Variants in NUDT19 observed in about 807,000 individuals in gnomAD.
NUDT19 encodes the protein acyl-coenzyme A diphosphatase NUDT19.
In NUDT19, 31 loss-of-function variants were observed where a neutral mutation model predicts 22.2. The ratio of observed to expected loss-of-function variants is 1.40; its 90% CI spans 1.05 to 1.89. The LOEUF (loss-of-function observed/expected upper bound fraction) is 1.89, where lower values mean the gene tolerates loss of function less well. NUDT19 is among the 40% of genes most tolerant of loss of function. NUDT19 has a pLI of 0.00. For missense variants in NUDT19, 752 were observed against 514.2 expected, an observed-to-expected ratio of 1.46 and a Z score of -4.47; for synonymous variants, 325 against 230.8, an observed-to-expected ratio of 1.41 and a Z score of -3.70.
intron 1 of NUDT19, among the ~76,000 whole-genome samples, chr19:32,693,431 T>C (rs1032079233): frequency 1.3e-5 from 2 of 150,028 alleles, no homozygotes; most frequent in African/African-American, 2.5e-5. Flanking sequence ...TTACAGCTTA[T>C]AAAGGTAGTG....
rs1395310071 is a variant in NUDT19 at position 32,712,458 on chromosome 19, T to TCTCG, written c.*502_*505dup. On this transcript the variant is annotated 3_prime_UTR_variant, in exon 3 of 3. Coordinates refer to ENST00000397061, the MANE Select transcript of NUDT19 (RefSeq NM_001105570.2). Reference sequence around the variant, plus strand: ...CCCAGGCTGGAGTGCAGTGGCCCAATCTCGGCTCACTGCAACCTCCACCTC... The same window carrying TCTCG: ...CCCAGGCTGGAGTGCAGTGGCCCAATCTCGCTCGGCTCACTGCAACCTCCACCTC... 7.6e-6 allele frequency: 1 copy of TCTCG among 131,060 alleles called. No homozygotes were observed. The highest frequency in any genetic ancestry group is 1.5e-5 in the Non-Finnish European group (1 of 64,760). 8.1% of individuals were successfully genotyped at this position (131,060 alleles called of 1,614,324 possible). A position where few individuals can be genotyped will look rare whatever the true frequency, so the allele number is the denominator to read the frequency against.
intron 1 of NUDT19, among the ~76,000 whole-genome samples, chr19:32,708,294 G>A (rs1336773967): frequency 6.6e-6 from 1 of 151,742 alleles, no homozygotes; most frequent in African/African-American, 2.4e-5. Context: ...GGGTGTGGTG[G>A]TGGGCGCCTG....
At chr19:32,705,187 C>T (rs1968375405) in intron 1 of NUDT19, among the ~76,000 whole-genome samples, 1 of 150,166 alleles carries the variant, frequency 6.7e-6, no homozygotes, top group Non-Finnish European at 1.5e-5. Flanking sequence ...CTTTGGGAGG[C>T]CAAGGTGGGT....
At position 32,692,153 on chromosome 19, in the gene NUDT19, G is replaced by A; in HGVS notation, c.193G>A (p.Gly65Arg). The A allele has an allele frequency of 9.3e-6, 14 of 1,508,716 alleles. No individual in the cohort carries two copies. Among genetic ancestry groups the A allele is most frequent in the Non-Finnish European group, 1.2e-5 (14 of 1,138,278 alleles). The allele number at this position is 1,508,716 out of a possible 1,614,324, so 93.5% of individuals were successfully genotyped here. A position where few individuals can be genotyped will look rare whatever the true frequency, so the allele number is the denominator to read the frequency against. ...GCCGGGCGCGCACGTCTTCTCCGGC[G>A]GAGTGCTGGATGCGGCCGACCGCTC... is the stretch of plus-strand genomic sequence containing the variant. ...FMPGAHVFSG[G>R]VLDAADRSAD... The change falls in exon 1 of 3, where the codon GGA becomes AGA. Residue 65 changes from glycine to arginine, a missense_variant. By Grantham distance (125) the Gly-to-Arg change is moderately radical. Transcript: ENST00000397061.
chr19:32,699,992 G>A (rs887814940), intron 1 of NUDT19, among the ~76,000 whole-genome samples: 1 of 151,970 alleles, frequency 6.6e-6, no homozygotes, highest in African/African-American at 2.4e-5. Context: ...TGCGTTCCTG[G>A]TCTCGCTGGC....
intron 1 of NUDT19, among the ~76,000 whole-genome samples, chr19:32,702,608 C>CA (rs1243001259): frequency 6.6e-6 from 1 of 150,958 alleles, no homozygotes; most frequent in East Asian, 1.9e-4. Context: ...ACTCCATCTC[C>CA]AAAAAGAGAA....
intron 1 of NUDT19, among the ~76,000 whole-genome samples, chr19:32,705,434 A>G (rs1187401836): frequency 6.6e-6 from 1 of 152,068 alleles, no homozygotes; most frequent in Non-Finnish European, 1.5e-5. Flanking sequence ...AAAAAAAAAA[A>G]AGAAAAACAA....
At chr19:32,697,195 A>G (rs567361975) in intron 1 of NUDT19, among the ~76,000 whole-genome samples, 3 of 152,094 alleles carry the variant, frequency 2.0e-5, no homozygotes, top group Admixed American at 6.6e-5. Flanking sequence ...CGGCCTTTCT[A>G]TTATCTCACT....
chr19:32,713,759 A>G lies in NUDT19; in HGVS notation c.*1802A>G, dbSNP rs1357834487. The G allele has an allele frequency of 6.6e-6, 1 of 152,200 alleles. No homozygotes were observed. The highest frequency in any genetic ancestry group is 2.4e-5 in the African/African-American group (1 of 41,440). The allele number at this position is 152,200 out of a possible 1,614,324, so 9.4% of individuals were successfully genotyped here. On this transcript the variant is annotated 3_prime_UTR_variant, in exon 3 of 3. Transcript: ENST00000397061. ...TTAATTTTCCTACTATAACATAAAG[A>G]CAATGATGAATAAAGTTTATGTGTA... is the stretch of plus-strand genomic sequence containing the variant.
Position 32,692,155 on chromosome 19 carries a change from A to G in NUDT19, c.195A>G (p.Gly65=). Residue 65 remains glycine, a synonymous_variant, in exon 1 of 3, where the codon GGA becomes GGG. Coordinates refer to ENST00000397061, the MANE Select transcript of NUDT19 (RefSeq NM_001105570.2). ...CGGGCGCGCACGTCTTCTCCGGCGG[A>G]GTGCTGGATGCGGCCGACCGCTCGG... ...FMPGAHVFSG[G]VLDAADRSAD... 6.6e-7 allele frequency: 1 copy of G among 1,510,264 alleles called. No individual in the cohort carries two copies. The highest frequency in any genetic ancestry group is 2.6e-5 in the East Asian group (1 of 37,810). The allele number at this position is 1,510,264 out of a possible 1,614,324, so 93.6% of individuals were successfully genotyped here.
Position 32,712,232 on chromosome 19 carries a change from G to A in NUDT19, c.*275G>A. The A allele has an allele frequency of 6.7e-6, 2 of 297,672 alleles. No individual in the cohort carries two copies. The highest frequency in any genetic ancestry group is 4.8e-5 in the Admixed American group (1 of 20,946). 18.4% of individuals were successfully genotyped at this position (297,672 alleles called of 1,614,324 possible). On this transcript the variant is annotated 3_prime_UTR_variant, in exon 3 of 3. Coordinates refer to ENST00000397061, the MANE Select transcript of NUDT19 (RefSeq NM_001105570.2). ...TGGGACTACAGGCGCCCGCCACCAT[G>A]CCCAGCTAATTTTTTTTTGTATTTT... is the stretch of plus-strand genomic sequence containing the variant.
intron 2 of NUDT19, among the ~76,000 whole-genome samples, chr19:32,711,462 C>CA (rs1968446426): frequency 1.3e-5 from 2 of 151,932 alleles, no homozygotes; most frequent in South Asian, 2.1e-4. Flanking sequence ...GACTCCATCT[C>CA]AAAAAACAGA....
intron 1 of NUDT19, among the ~76,000 whole-genome samples, chr19:32,693,045 T>G (rs1007439971): frequency 4.6e-5 from 7 of 152,258 alleles, no homozygotes; most frequent in Non-Finnish European, 1.0e-4. Context: ...TATTTATTTT[T>G]GGTACAGATG....
At chr19:32,707,219 T>C (rs1243552409) in intron 1 of NUDT19, among the ~76,000 whole-genome samples, 1 of 152,260 alleles carries the variant, frequency 6.6e-6, no homozygotes, top group African/African-American at 2.4e-5. Context: ...TTGTCTTCGT[T>C]GTTATCACTG....
At position 32,705,016 on chromosome 19, in the gene NUDT19, AGAATCGGTT is replaced by A. The variant is rs1258211954; in HGVS notation, c.715-4165_715-4157del. Among the ~76,000 whole-genome samples, 25 of 151,556 alleles carry A rather than the reference AGAATCGGTT, an allele frequency of 1.6e-4. No individual in the cohort carries two copies. The East Asian group carries it at 4.7e-3, about 28-fold the overall frequency. On this transcript the variant is annotated intron_variant, in intron 1 of 2. Transcript: ENST00000397061. ...CAGCTACTTGGGGGGCCAAGGCAGA[AGAATCGGTT>A]GAACCTGGGAGGCAGAGATGCAGTG...
At chr19:32,709,506 C>A in intron 2 of NUDT19, 114 bp downstream of exon 2, 1 of 815,786 alleles carries the variant, frequency 1.2e-6, no homozygotes. Context: ...TTGTAATCTA[C>A]AGGGTATTAG....
chr19:32,692,083 C>G lies in NUDT19; in HGVS notation c.123C>G (p.Gly41=), dbSNP rs753031623. 6.0e-6 allele frequency: 8 copies of G among 1,343,878 alleles called. No individual in the cohort carries two copies. Among genetic ancestry groups the G allele is most frequent in the Non-Finnish European group, 9.5e-7 (1 of 1,051,418 alleles). 83.2% of individuals were successfully genotyped at this position (1,343,878 alleles called of 1,614,324 possible). A position where few individuals can be genotyped will look rare whatever the true frequency, so the allele number is the denominator to read the frequency against. Residue 41 remains glycine (G), a synonymous_variant, in exon 1 of 3, where the codon GGC becomes GGG. Coordinates refer to ENST00000397061, the MANE Select transcript of NUDT19 (RefSeq NM_001105570.2). Reference sequence around the variant, plus strand: ...CGTCGCGCCCGCCGCCGGCCGAGGGCTTCCGGCTGCTGCTGCTGCAGCGCT... The same window carrying G: ...CGTCGCGCCCGCCGCCGGCCGAGGGGTTCCGGCTGCTGCTGCTGCAGCGCT... ...TPPSRPPPAE[G]FRLLLLQRSP...
At chr19:32,704,478 T>C (rs1968367548) in intron 1 of NUDT19, among the ~76,000 whole-genome samples, 1 of 152,102 alleles carries the variant, frequency 6.6e-6, no homozygotes, top group Non-Finnish European at 1.5e-5. Context: ...GTCAGGCTGG[T>C]CTCGAACTCC....
intron 1 of NUDT19, among the ~76,000 whole-genome samples, chr19:32,703,210 AG>A (rs201552686): frequency 0.011 from 1,664 of 152,260 alleles, 39 homozygotes; most frequent in African/African-American, 0.038. Flanking sequence ...CGTGTTGGTC[AG>A]GCTGCTGTCG....
Sources: allele counts gnomAD v4.1 joint callset (sites outside exome capture counted in the v4.1 genomes callset), GRCh38; gene constraint gnomAD v4.1.1; transcripts MANE v1.5; gene names NCBI Gene and HGNC (gene_info 2026-07-23, HGNC 2026-07-21).